Variants in NCKAP5 observed in about 807,000 individuals in gnomAD.
The protein encoded by NCKAP5 is nck-associated protein 5.
In NCKAP5, 92 loss-of-function variants were observed where a neutral mutation model predicts 167.0. The observed-to-expected ratio is 0.55, with a 90% CI of 0.47 to 0.66. The LOEUF (loss-of-function observed/expected upper bound fraction) is 0.66, where lower values mean the gene tolerates loss of function less well. Among genes scored for constraint, NCKAP5 ranks in the 30% least tolerant of loss-of-function variants. The pLI, the probability that NCKAP5 is intolerant of heterozygous loss-of-function variation, is 0.00. For synonymous variants in NCKAP5, 891 were observed against 877.4 expected (o/e 1.02, Z -0.27); for missense variants, 2,378 against 2,315.0 (o/e 1.03, Z -0.56).
intron 3 of NCKAP5, among the ~76,000 whole-genome samples, chr2:133,496,199 G>A (rs1681933730): frequency 6.6e-6 from 1 of 152,140 alleles, no homozygotes; most frequent in Non-Finnish European, 1.5e-5. Flanking sequence ...TGCAGAAAAA[G>A]GGAAACCCTC....
At chr2:133,579,856 G>A in the NCKAP5 span, among the ~76,000 whole-genome samples, 3 of 152,056 alleles carry the variant, frequency 2.0e-5, no homozygotes, top group Non-Finnish European at 2.9e-5. Flanking sequence ...GTCCCTCTGG[G>A]TATCACATAT....
intron 3 of NCKAP5, among the ~76,000 whole-genome samples, chr2:133,441,565 G>T (rs1574961848): frequency 6.6e-6 from 1 of 152,198 alleles, no homozygotes; most frequent in East Asian, 1.9e-4. Context: ...TCACACATCT[G>T]TGAATTTGCA....
At chr2:133,174,271 G>A (rs2084365269) in intron 5 of NCKAP5, among the ~76,000 whole-genome samples, 1 of 152,024 alleles carries the variant, frequency 6.6e-6, no homozygotes. Context: ...TATACTACAA[G>A]AAAAATATTA....
At chr2:133,311,898 A>T (rs1382791890) in intron 3 of NCKAP5, among the ~76,000 whole-genome samples, 1 of 152,194 alleles carries the variant, frequency 6.6e-6, no homozygotes, top group Non-Finnish European at 1.5e-5. Flanking sequence ...TTTACTCATG[A>T]TTTTATTCTA....
chr2:133,196,718 C>T (rs566368312), intron 5 of NCKAP5, among the ~76,000 whole-genome samples: 2 of 152,268 alleles, frequency 1.3e-5, no homozygotes, highest in South Asian at 4.1e-4. Flanking sequence ...GAAGTATACA[C>T]CAGATGTGGA....
intron 2 of NCKAP5, among the ~76,000 whole-genome samples, chr2:133,551,703 A>G (rs1421483354): frequency 1.5e-5 from 1 of 66,626 alleles, no homozygotes; most frequent in Non-Finnish European, 2.8e-5. Context: ...TCATGTCTAA[A>G]ACACCAAAAG....
At chr2:133,218,565 G>A (rs1278224152) in intron 4 of NCKAP5, among the ~76,000 whole-genome samples, 1 of 152,220 alleles carries the variant, frequency 6.6e-6, no homozygotes, top group Non-Finnish European at 1.5e-5. Context: ...TCAACTGAAA[G>A]ACAGATACGG....
chr2:132,674,190 C>T (rs1219764595), intron 19 of NCKAP5, among the ~76,000 whole-genome samples: 1 of 152,162 alleles, frequency 6.6e-6, no homozygotes, highest in Non-Finnish European at 1.5e-5. Context: ...CATCCAAACA[C>T]AGGAAAGAAG....
At chr2:133,527,824 G>A (rs1319273063) in intron 2 of NCKAP5, among the ~76,000 whole-genome samples, 1 of 152,086 alleles carries the variant, frequency 6.6e-6, no homozygotes, top group Non-Finnish European at 1.5e-5. Context: ...CAGCACTTTG[G>A]GAGGTCAAGG....
At position 132,700,933 on chromosome 2, in the gene NCKAP5, G is replaced by A. The variant is rs534972252; in HGVS notation, c.5713+24694C>T. Among the ~76,000 whole-genome samples the A allele has an allele frequency of 4.0e-5, 6 of 148,736 alleles. No homozygotes were observed. The South Asian group carries it at 6.4e-4, about 16-fold the overall frequency. On this transcript the variant is annotated intron_variant, in intron 19 of 19. Transcript: ENST00000409261. Reference sequence around the variant, plus strand: ...ATGCTGGTTACAATCCCCTGGGCGGGGGGGGGGGCTTTTAAGCAATACTAA... The same window carrying A: ...ATGCTGGTTACAATCCCCTGGGCGGAGGGGGGGGCTTTTAAGCAATACTAA...
intron 3 of NCKAP5, among the ~76,000 whole-genome samples, chr2:133,348,848 T>G (rs992308422): frequency 2.0e-5 from 3 of 151,954 alleles, no homozygotes; most frequent in Non-Finnish European, 4.4e-5. Flanking sequence ...AGAAGACACA[T>G]GACAAAGAAA....
At chr2:133,101,014 T>C (rs930753228) in intron 6 of NCKAP5, among the ~76,000 whole-genome samples, 1 of 152,114 alleles carries the variant, frequency 6.6e-6, no homozygotes, top group Non-Finnish European at 1.5e-5. Context: ...TAGGTTTTCT[T>C]CTAGGGTTTT....
At chr2:133,614,852 T>C in the NCKAP5 span, among the ~76,000 whole-genome samples, 1 of 152,082 alleles carries the variant, frequency 6.6e-6, no homozygotes, top group Admixed American at 6.6e-5. Context: ...AATTGTCAGA[T>C]TCACCAAAGT....
At chr2:133,051,385 G>C (rs2079602374) in intron 6 of NCKAP5, among the ~76,000 whole-genome samples, 1 of 152,142 alleles carries the variant, frequency 6.6e-6, no homozygotes, top group African/African-American at 2.4e-5. Flanking sequence ...ACTTTTACCA[G>C]AAATTATTTT....
intron 19 of NCKAP5, among the ~76,000 whole-genome samples, chr2:132,681,793 G>A (rs556331328): frequency 6.6e-6 from 1 of 152,300 alleles, no homozygotes; most frequent in East Asian, 1.9e-4. Context: ...TAAATAACTA[G>A]ATGACCTGGA....
chr2:133,113,325 G>A lies in NCKAP5; in HGVS notation c.341+16653C>T, dbSNP rs551067246. On this transcript the variant is annotated intron_variant, in intron 6 of 19. Coordinates refer to ENST00000409261, the MANE Select transcript of NCKAP5 (RefSeq NM_207363.3). ...AGCATATAATTTTTATACAACTAAC[G>A]TTCAGTTTATATTTCTATCAGCTAA... Among the ~76,000 whole-genome samples the A allele has an allele frequency of 3.2e-4, 49 of 151,964 alleles. No homozygotes were observed. In the South Asian group the frequency reaches 7.9e-3, roughly 24 times the overall value.
At chr2:132,881,321 AC>A (rs1443146086) in intron 8 of NCKAP5, among the ~76,000 whole-genome samples, 1 of 151,634 alleles carries the variant, frequency 6.6e-6, no homozygotes, top group African/African-American at 2.4e-5. Flanking sequence ...ATTACAGGTG[AC>A]CACCACCACA....
intron 19 of NCKAP5, among the ~76,000 whole-genome samples, chr2:132,692,473 T>C (rs191034641): frequency 1.1e-3 from 162 of 152,292 alleles, no homozygotes; most frequent in African/African-American, 3.4e-3. Flanking sequence ...TACATTTTTT[T>C]ATTATCTACC....
intron 19 of NCKAP5, among the ~76,000 whole-genome samples, chr2:132,713,707 G>T (rs1689080620): frequency 1.1e-5 from 1 of 89,982 alleles, no homozygotes; most frequent in African/African-American, 4.3e-5. Flanking sequence ...GACAGAAAGG[G>T]CCAAACAAAA....
Sources: allele counts gnomAD v4.1 joint callset (sites outside exome capture counted in the v4.1 genomes callset), GRCh38; gene constraint gnomAD v4.1.1; transcripts MANE v1.5; gene names NCBI Gene and HGNC (gene_info 2026-07-23, HGNC 2026-07-21).